Variants in SNX15 observed in about 807,000 individuals in gnomAD.
SNX15 encodes sorting nexin 15, also known as sorting nexin-15.
In SNX15, 29 loss-of-function variants were observed where a neutral mutation model predicts 35.2. The ratio of observed to expected loss-of-function variants is 0.82; its 90% CI spans 0.61 to 1.12. SNX15 has a LOEUF of 1.12. Among genes scored for constraint, SNX15 ranks in the 50% most tolerant of loss-of-function variants. The pLI, the probability that SNX15 is intolerant of heterozygous loss-of-function variation, is 0.00. For synonymous variants in SNX15, 189 were observed against 188.2 expected (o/e 1.00, Z -0.03); for missense variants, 400 against 451.5 (o/e 0.89, Z 1.03).
chr11:65,033,860 C>T (rs1946469328), intron 3 of SNX15, among the ~76,000 whole-genome samples: 1 of 151,894 alleles, frequency 6.6e-6, no homozygotes, highest in Non-Finnish European at 1.5e-5. Context: ...GTAGTGTGCG[C>T]CACCACACCT....
chr11:65,039,740 T>C lies in SNX15; in HGVS notation c.977T>C (p.Leu326Pro). 4.3e-6 allele frequency: 7 copies of C among 1,613,656 alleles called. No homozygotes were observed. Among genetic ancestry groups the C allele is most frequent in the Non-Finnish European group, 5.9e-6 (7 of 1,179,842 alleles). ...GTGAAGAAGAAGGCAGCTGAGTACC[T>C]GAAGCGGGCAGAGGAGATCCTGCGC... ...EGVKKKAAEY[L>P]KRAEEILRLH... Residue 326 changes from leucine (L) to proline (P), a missense_variant, in exon 8 of 8, where the codon CTG becomes CCG. Physicochemically the swap from Leu to Pro is moderately conservative, Grantham distance 98. Coordinates refer to ENST00000377244, the MANE Select transcript of SNX15 (RefSeq NM_013306.5).
At position 65,035,148 on chromosome 11, in the gene SNX15, C is replaced by A. The variant is rs746312496; in HGVS notation, c.462C>A (p.Pro154=). The change falls in exon 5 of 8, where the codon CCC becomes CCA. Residue 154 remains proline (P), a synonymous_variant. Coordinates refer to ENST00000377244, the MANE Select transcript of SNX15 (RefSeq NM_013306.5). ...PLIPTPPPDD[P]RLSQLLPAER... is the part of the protein sequence containing the mutation. ...TCCCCACCCCGCCCCCTGATGACCC[C>A]CGGCTATCCCAACTGCTCCCTGCAG... The A allele has an allele frequency of 1.9e-6, 3 of 1,591,150 alleles. No homozygotes were observed. The highest frequency in any genetic ancestry group is 1.8e-5 in the Admixed American group (1 of 56,556).
rs495820 is a variant in SNX15 at position 65,039,763 on chromosome 11, C to A, written c.1000C>A (p.Arg334Ser). Reference sequence around the variant, plus strand: ...CCTGAAGCGGGCAGAGGAGATCCTGCGCCTGCACCTGTCTCAACTCCCACC... The same window carrying A: ...CCTGAAGCGGGCAGAGGAGATCCTGAGCCTGCACCTGTCTCAACTCCCACC... ...EYLKRAEEIL[R>S]LHLSQLPP The change falls in exon 8 of 8, where the codon CGC becomes AGC. Residue 334 changes from arginine to serine, a missense_variant. Transcript: ENST00000377244. 6.2e-7 allele frequency: 1 copy of A among 1,612,660 alleles called. No individual in the cohort carries two copies. Among genetic ancestry groups the A allele is most frequent in the Non-Finnish European group, 8.5e-7 (1 of 1,179,378 alleles).
At chr11:65,035,479 A>G in intron 5 of SNX15, 41 bp from the exon 6 acceptor site, 4 of 1,540,952 alleles carry the variant, frequency 2.6e-6, no homozygotes, top group Non-Finnish European at 3.5e-6. Flanking sequence ...AAGCTGAGAA[A>G]TAAACGCAGG....
intron 3 of SNX15, among the ~76,000 whole-genome samples, chr11:65,032,936 C>T (rs574590697): frequency 9.2e-5 from 14 of 152,246 alleles, no homozygotes; most frequent in Non-Finnish European, 1.9e-4. Context: ...AGTACAGTGG[C>T]GCTGTCTTGG....
chr11:65,038,802 G>A lies in SNX15; in HGVS notation c.895G>A (p.Val299Met), dbSNP rs141908833. 79 of 1,592,880 alleles carry A rather than the reference G, an allele frequency of 5.0e-5. No individual in the cohort carries two copies. Among genetic ancestry groups the A allele is most frequent in the Middle Eastern group, 1.7e-4 (1 of 6,032 alleles). ...AAALQGYRDG[V>M]HVLLQGVPSD... The stretch of plus-strand genomic sequence containing the variant: ...TGCACTCCAGGGCTATCGAGACGGC[G>A]TGCACGTCTTGCTTCAGGGAGTCCC... The change falls in exon 7 of 8, where the codon GTG becomes ATG. Residue 299 changes from valine to methionine, a missense_variant. Coordinates refer to ENST00000377244, the MANE Select transcript of SNX15 (RefSeq NM_013306.5).
intron 1 of SNX15, among the ~76,000 whole-genome samples, chr11:65,027,873 C>T (rs1946392732): frequency 1.3e-5 from 2 of 152,136 alleles, no homozygotes; most frequent in Non-Finnish European, 1.5e-5. Flanking sequence ...ACAGGCAAGG[C>T]GTGTATGCCC....
Position 65,030,379 on chromosome 11 carries a change from G to T in SNX15, c.100-1789G>T, listed in dbSNP as rs1189881353. 2.0e-5 allele frequency among the ~76,000 whole-genome samples: 3 copies of T among 148,262 alleles called. 1 individual carries two copies. Among genetic ancestry groups the T allele is most frequent in the African/African-American group, 7.9e-5 (3 of 38,194 alleles). On this transcript the variant is annotated intron_variant, in intron 1 of 7. Coordinates refer to ENST00000377244, the MANE Select transcript of SNX15 (RefSeq NM_013306.5). ...AAAAAAAAATTTTTTTTTTTGTAGA[G>T]ACAGAGTTTTGCCATGTTGCCCAGG...
intron 7 of SNX15, 141 bp downstream of exon 7, chr11:65,038,970 T>C: frequency 1.8e-6 from 1 of 542,568 alleles, no homozygotes; most frequent in East Asian, 3.4e-5. Flanking sequence ...CAGATTTTTG[T>C]TTCTGTTTTT....
intron 3 of SNX15, among the ~76,000 whole-genome samples, chr11:65,034,000 A>G (rs1946471154): frequency 6.6e-6 from 1 of 151,996 alleles, no homozygotes; most frequent in Non-Finnish European, 1.5e-5. Flanking sequence ...GAGCCACCGC[A>G]CCTGGCCGAG....
At position 65,034,965 on chromosome 11, in the gene SNX15, A is replaced by T; in HGVS notation, c.372+3A>T. On this transcript the variant is annotated splice_donor_region_variant and intron_variant, in intron 4 of 7. Coordinates refer to ENST00000377244, the MANE Select transcript of SNX15 (RefSeq NM_013306.5). ...CCCAGCTCAAGGAGTTCTTCCGGGT[A>T]TGTGCACCTTCCACCTTCCCAGAAC... is the stretch of plus-strand genomic sequence containing the variant. 1 of 1,613,778 alleles carries T rather than the reference A, an allele frequency of 6.2e-7. No homozygotes were observed. The highest frequency in any genetic ancestry group is 8.5e-7 in the Non-Finnish European group (1 of 1,179,774).
Position 65,028,831 on chromosome 11 carries a change from C to A in SNX15, c.99+1195C>A, listed in dbSNP as rs1347441876. On this transcript the variant is annotated intron_variant, in intron 1 of 7. Coordinates refer to ENST00000377244, the MANE Select transcript of SNX15 (RefSeq NM_013306.5). ...AGTGGTGGCCGGGCGCGGTGGCTCA[C>A]GCCTGTAATCCCAGCACTTTGGGAG... 2.0e-5 allele frequency among the ~76,000 whole-genome samples: 3 copies of A among 150,118 alleles called. No individual in the cohort carries two copies. In the South Asian group the frequency reaches 6.4e-4, roughly 32 times the overall value.
intron 1 of SNX15, 60 bp downstream of exon 1, chr11:65,027,696 T>C: frequency 7.7e-7 from 1 of 1,291,552 alleles, no homozygotes; most frequent in Admixed American, 1.7e-5. Flanking sequence ...GAGTTTTACC[T>C]TAAGGAAAGG....
chr11:65,027,634 C>T lies in SNX15; in HGVS notation c.97C>T (p.Gln33Ter). 6.2e-7 allele frequency: 1 copy of T among 1,612,112 alleles called. No homozygotes were observed. Residue 33 changes from glutamine (Q) to a stop codon, truncating the protein, a stop_gained and splice_region_variant, in exon 1 of 8, where the codon CAG (glutamine) becomes TAG (stop). Transcript: ENST00000377244. LOFTEE classifies it high-confidence loss of function. ...KGYTEYKVTA[Q>*]FISKKDPEDV... is the part of the protein sequence containing the mutation. ...CTACACCGAGTACAAAGTAACCGCG[C>T]AGGTGAGGTGGGGCCCAGCGCGTAC...
rs1946493608 is a variant in SNX15 at position 65,035,633 on chromosome 11, C to T, written c.634C>T (p.Leu212Phe). ...CCGAGGCCCCCTCACCGAGGCTGAG[C>T]TTGCCCTCTTCGACCCCTTCTCCAA... is the stretch of plus-strand genomic sequence containing the variant. Reference protein sequence around the residue: ...PARGPLTEAELALFDPFSKEE... With the variant: ...PARGPLTEAEFALFDPFSKEE... The change falls in exon 6 of 8, where the codon CTT (leucine) becomes TTT (phenylalanine). Residue 212 changes from leucine (L) to phenylalanine (F), a missense_variant. Transcript: ENST00000377244. 6.2e-7 allele frequency: 1 copy of T among 1,611,842 alleles called. No homozygotes were observed. Among genetic ancestry groups the T allele is most frequent in the African/African-American group, 1.3e-5 (1 of 74,808 alleles).
intron 7 of SNX15, among the ~76,000 whole-genome samples, chr11:65,039,166 G>A (rs1946543857): frequency 6.7e-6 from 1 of 149,178 alleles, no homozygotes; most frequent in African/African-American, 2.5e-5. Flanking sequence ...TGGGATTACA[G>A]GCGCCCACCA....
chr11:65,030,090 C>T (rs1039672740), intron 1 of SNX15, among the ~76,000 whole-genome samples: 15 of 151,990 alleles, frequency 9.9e-5, no homozygotes, highest in South Asian at 2.1e-4. Context: ...GGCGTGGTGG[C>T]GCACGCCTGT....
intron 6 of SNX15, 79 bp downstream of exon 6, chr11:65,035,742 T>A: frequency 6.9e-7 from 1 of 1,451,434 alleles, no homozygotes; most frequent in Non-Finnish European, 9.3e-7. Flanking sequence ...CCCACTAGCC[T>A]GCTCAGTGCC....
chr11:65,027,668 T>TA (rs750581130), intron 1 of SNX15, 32 bp downstream of exon 1: 1 of 1,538,362 alleles, frequency 6.5e-7, no homozygotes, highest in Non-Finnish European at 9.0e-7. Flanking sequence ...ACTTTACCCT[T>TA]TTAACTAGAG....
Sources: allele counts gnomAD v4.1 joint callset (sites outside exome capture counted in the v4.1 genomes callset), GRCh38; gene constraint gnomAD v4.1.1; transcripts MANE v1.5; gene names NCBI Gene and HGNC (gene_info 2026-07-23, HGNC 2026-07-21).